The following CNTNAP5 variants were observed in gnomAD, a reference collection of about 807,000 sequenced individuals.
CNTNAP5 encodes contactin associated protein family member 5, also known as contactin-associated protein-like 5.
Under a neutral mutation model 150.2 loss-of-function variants are expected in CNTNAP5, and 72 were observed. That is an observed-to-expected ratio of 0.48 (90% CI 0.40 to 0.58). CNTNAP5 has a LOEUF of 0.58. Ranked by LOEUF, CNTNAP5 falls within the 20% of genes least tolerant of loss-of-function variation. The pLI is 0.00. For missense variants in CNTNAP5, 1,636 were observed against 1,626.2 expected, an observed-to-expected ratio of 1.01 and a Z score of -0.10; for synonymous variants, 672 against 619.8, an observed-to-expected ratio of 1.08 and a Z score of -1.25.
intron 19 of CNTNAP5, among the ~76,000 whole-genome samples, chr2:124,811,977 T>C (rs1682234480): frequency 1.0e-5 from 1 of 99,120 alleles, no homozygotes; most frequent in African/African-American, 3.8e-5. Flanking sequence ...TTATAATATA[T>C]ATAAAATTTA....
intron 13 of CNTNAP5, among the ~76,000 whole-genome samples, chr2:124,737,223 G>A (rs1031639799): frequency 2.6e-5 from 4 of 151,716 alleles, no homozygotes; most frequent in South Asian, 2.1e-4. Flanking sequence ...CCTGGGAGGC[G>A]GAGGTTGCAG....
At chr2:124,711,646 T>G (rs1679810519) in intron 13 of CNTNAP5, among the ~76,000 whole-genome samples, 1 of 146,296 alleles carries the variant, frequency 6.8e-6, no homozygotes, top group Admixed American at 6.8e-5. Context: ...GCTAACACGG[T>G]GAAACCCCGT....
intron 3 of CNTNAP5, among the ~76,000 whole-genome samples, chr2:124,345,753 A>T (rs1369459721): frequency 6.6e-6 from 1 of 152,122 alleles, no homozygotes; most frequent in Non-Finnish European, 1.5e-5. Context: ...ATGCTGCTAA[A>T]TCTCTCATGA....
chr2:124,865,565 C>G, intron 20 of CNTNAP5, 129 bp downstream of exon 20: 1 of 841,474 alleles, frequency 1.2e-6, no homozygotes, highest in South Asian at 1.8e-5. Context: ...CACTTGCCCC[C>G]AGACTTGGAA....
At chr2:124,775,225 T>G (rs562703073) in intron 17 of CNTNAP5, among the ~76,000 whole-genome samples, 1 of 152,300 alleles carries the variant, frequency 6.6e-6, no homozygotes, top group South Asian at 2.1e-4. Flanking sequence ...AGTCTCAACA[T>G]TTCCATCTTG....
chr2:124,830,897 C>T (rs1027114970), intron 19 of CNTNAP5, among the ~76,000 whole-genome samples: 1 of 151,926 alleles, frequency 6.6e-6, no homozygotes, highest in Non-Finnish European at 1.5e-5. Flanking sequence ...ATTCACAAAT[C>T]AGGTGCAGTG....
intron 11 of CNTNAP5, among the ~76,000 whole-genome samples, chr2:124,593,115 A>AG (rs1343583382): frequency 8.5e-6 from 1 of 117,396 alleles, no homozygotes; most frequent in African/African-American, 2.9e-5. Flanking sequence ...ATATTTATTT[A>AG]TTTATTTATT....
intron 3 of CNTNAP5, among the ~76,000 whole-genome samples, chr2:124,271,709 T>TATCTATC (rs1687764969): frequency 2.9e-5 from 4 of 138,152 alleles, no homozygotes; most frequent in Admixed American, 7.2e-5. Flanking sequence ...ATCATCTATC[T>TATCTATC]ATCTATCTAT....
intron 8 of CNTNAP5, among the ~76,000 whole-genome samples, chr2:124,507,628 GT>G (rs1287952464): frequency 1.3e-5 from 2 of 151,994 alleles, no homozygotes; most frequent in African/African-American, 2.4e-5. Flanking sequence ...AATGACAAAT[GT>G]TTTTTTCAGA....
intron 13 of CNTNAP5, among the ~76,000 whole-genome samples, chr2:124,736,213 GAGAA>G (rs900849754): frequency 4.6e-5 from 7 of 152,252 alleles, no homozygotes; most frequent in African/African-American, 1.7e-4. Flanking sequence ...CTGTGCAACA[GAGAA>G]AGACTCTGTC....
intron 19 of CNTNAP5, among the ~76,000 whole-genome samples, chr2:124,803,417 T>A (rs565921033): frequency 8.5e-5 from 13 of 152,314 alleles, no homozygotes; most frequent in African/African-American, 3.1e-4. Flanking sequence ...TATGATCAAT[T>A]TCTGTTTCTA....
chr2:124,138,560 C>T (rs752759052), intron 1 of CNTNAP5, among the ~76,000 whole-genome samples: 3 of 152,082 alleles, frequency 2.0e-5, no homozygotes, highest in Non-Finnish European at 4.4e-5. Context: ...TTTCTCTACA[C>T]TTCATTACTC....
chr2:124,654,052 C>T (rs941072889), intron 13 of CNTNAP5, among the ~76,000 whole-genome samples: 2 of 152,068 alleles, frequency 1.3e-5, no homozygotes, highest in African/African-American at 2.4e-5. Flanking sequence ...TCCCAGTGTG[C>T]AGGAGCTATC....
chr2:124,040,454 T>C (rs1043896145), intron 1 of CNTNAP5, among the ~76,000 whole-genome samples: 3 of 152,172 alleles, frequency 2.0e-5, no homozygotes, highest in African/African-American at 7.2e-5. Flanking sequence ...AATTACACAG[T>C]AGTTCCTTTG....
chr2:124,587,255 C>T (rs1383929415), intron 11 of CNTNAP5, among the ~76,000 whole-genome samples: 3 of 152,148 alleles, frequency 2.0e-5, no homozygotes, highest in South Asian at 2.1e-4. Flanking sequence ...CATTTCTCCC[C>T]CTCATTATAT....
intron 21 of CNTNAP5, among the ~76,000 whole-genome samples, chr2:124,885,613 C>T (rs1184735630): frequency 6.6e-6 from 1 of 150,968 alleles, no homozygotes; most frequent in Non-Finnish European, 1.5e-5. Context: ...TAAACAGTCA[C>T]ATCTCATCTT....
intron 1 of CNTNAP5, among the ~76,000 whole-genome samples, chr2:124,208,243 C>T (rs1197000918): frequency 1.3e-5 from 2 of 152,178 alleles, no homozygotes; most frequent in Non-Finnish European, 2.9e-5. Context: ...TTGGGACCTA[C>T]TCTTTTCCTC....
chr2:124,375,161 TG>T (rs1369951243), intron 3 of CNTNAP5, among the ~76,000 whole-genome samples: 1 of 152,012 alleles, frequency 6.6e-6, no homozygotes, highest in Non-Finnish European at 1.5e-5. Flanking sequence ...CATCTATGCA[TG>T]GTAAAATTAG....
At chr2:124,104,313 CAT>C (rs977823156) in intron 1 of CNTNAP5, among the ~76,000 whole-genome samples, 16 of 152,014 alleles carry the variant, frequency 1.1e-4, no homozygotes, top group African/African-American at 3.6e-4. Context: ...AAATTATTGA[CAT>C]ATTATTTTTC....
Sources: gnomAD v4.1 joint callset for allele counts (sites outside exome capture counted in the v4.1 genomes callset) on GRCh38, gnomAD v4.1.1 for gene constraint, MANE v1.5 for transcripts, NCBI Gene and HGNC (gene_info 2026-07-23, HGNC 2026-07-21) for gene names.